UBP1: variants seen among roughly 807,000 people sequenced by gnomAD.
UBP1 encodes the protein upstream-binding protein 1.
Under a neutral mutation model 76.1 loss-of-function variants are expected in UBP1, and 22 were observed. That is an observed-to-expected ratio of 0.29 (90% CI 0.21 to 0.41). The LOEUF (loss-of-function observed/expected upper bound fraction) is 0.41, where lower values mean the gene tolerates loss of function less well. Ranked by LOEUF, UBP1 falls within the 10% of genes least tolerant of loss-of-function variation. The probability of loss-of-function intolerance (pLI) is 1.00; values close to 1 mark genes in which losing one functional copy is unlikely to be tolerated. For missense variants in UBP1, 436 were observed against 668.1 expected (o/e 0.65, Z 3.83); for synonymous variants, 224 against 237.1 (o/e 0.94, Z 0.51).
At position 33,400,931 on chromosome 3, in the gene UBP1, C is replaced by T. The variant is rs773355116; in HGVS notation, c.1086+31G>A. 1.9e-6 allele frequency: 3 copies of T among 1,585,774 alleles called. No homozygotes were observed. The African/African-American group carries it at 4.1e-5, about 22-fold the overall frequency. ...ACTTTAAAATGTAGAACCCTGAAAG[C>T]ATCAGATAGTTTTAGGAGAAAGATA... On this transcript the variant is annotated intron_variant, in intron 10 of 15. Coordinates refer to ENST00000283629, the MANE Select transcript of UBP1 (RefSeq NM_014517.5).
intron 3 of UBP1, among the ~76,000 whole-genome samples, chr3:33,416,265 G>A (rs1363665966): frequency 6.6e-6 from 1 of 152,174 alleles, no homozygotes; most frequent in Non-Finnish European, 1.5e-5. Flanking sequence ...GCTAGGAGGG[G>A]CCAGGGGGCA....
rs1422659805 is a variant in UBP1, at chr3:33,428,560, T to TC, written c.114-2820dup. ...CTTTTTTATTCACTTGGTTATAGTC[T>TC]CCATGATCCACACAGAAAATACTAT... On this transcript the variant is annotated intron_variant, in intron 1 of 15. Coordinates refer to ENST00000283629, the MANE Select transcript of UBP1 (RefSeq NM_014517.5). Among the ~76,000 whole-genome samples, 4 of 152,068 alleles carry TC rather than the reference T, an allele frequency of 2.6e-5. No individual in the cohort carries two copies. In the East Asian group the frequency reaches 7.8e-4, roughly 30 times the overall value.
intron 1 of UBP1, among the ~76,000 whole-genome samples, chr3:33,434,682 CTTTTT>C (rs10709462): frequency 5.7e-5 from 5 of 87,702 alleles, no homozygotes; most frequent in Non-Finnish European, 6.7e-5. Context: ...AATGGTTTTA[CTTTTT>C]TTTTTTTTTT....
intron 3 of UBP1, among the ~76,000 whole-genome samples, chr3:33,416,267 CA>C (rs1424704207): frequency 2.6e-5 from 4 of 152,136 alleles, no homozygotes; most frequent in African/African-American, 7.2e-5. Context: ...TAGGAGGGGC[CA>C]GGGGGCAGGG....
At chr3:33,429,322 T>C (rs1237331706) in intron 1 of UBP1, among the ~76,000 whole-genome samples, 1 of 152,130 alleles carries the variant, frequency 6.6e-6, no homozygotes, top group Non-Finnish European at 1.5e-5. Flanking sequence ...AGACAGAATG[T>C]TAAACGGAAC....
At chr3:33,399,819 A>G (rs1466185864) in intron 11 of UBP1, among the ~76,000 whole-genome samples, 1 of 151,926 alleles carries the variant, frequency 6.6e-6, no homozygotes, top group African/African-American at 2.4e-5. Flanking sequence ...TTATGTGAGA[A>G]ACGGAGTGAA....
chr3:33,399,776 T>C (rs1461051926), intron 11 of UBP1, among the ~76,000 whole-genome samples: 1 of 152,206 alleles, frequency 6.6e-6, no homozygotes. Flanking sequence ...GTTGTGCCAA[T>C]GTCAGTTTCC....
rs570962429 is a variant in UBP1 at position 33,430,907 on chromosome 3, TA to T, written c.114-5167del. On this transcript the variant is annotated intron_variant, in intron 1 of 15. Coordinates refer to ENST00000283629, the MANE Select transcript of UBP1 (RefSeq NM_014517.5). ...CTGCTTGAGACATCTCACTGATTTC[TA>T]TTTTCCTGACTGGACACAGACCACC... Among the ~76,000 whole-genome samples the T allele has an allele frequency of 1.6e-4, 25 of 152,260 alleles. No individual in the cohort carries two copies. The South Asian group carries it at 5.0e-3, about 30-fold the overall frequency.
chr3:33,396,254 T>C lies in UBP1; in HGVS notation c.1298A>G (p.Tyr433Cys). Residue 433 changes from tyrosine to cysteine, a missense_variant, in exon 13 of 16, where the codon TAT becomes TGT. Physicochemically the swap from Tyr to Cys is radical, Grantham distance 194. Transcript: ENST00000283629. ...GCTGCTTGGCTGCTCCCGGCAGACATAGATGGTTAAACGGGGTCTAACCGA... is the reference window on the plus strand; with the variant it reads ...GCTGCTTGGCTGCTCCCGGCAGACACAGATGGTTAAACGGGGTCTAACCGA... Reference protein sequence around the residue: ...SRSVRPRLTIYVCREQPSSTV... With the variant: ...SRSVRPRLTICVCREQPSSTV... 1 of 1,586,588 alleles carries C rather than the reference T, an allele frequency of 6.3e-7. No homozygotes were observed. Among genetic ancestry groups the C allele is most frequent in the Non-Finnish European group, 8.6e-7 (1 of 1,158,050 alleles).
chr3:33,441,090 C>T (rs1027927105), upstream of UBP1, among the ~76,000 whole-genome samples: 2 of 152,242 alleles, frequency 1.3e-5, no homozygotes, highest in African/African-American at 4.8e-5. Context: ...TAAGGGCAGG[C>T]GGTCTCCTGA....
chr3:33,392,888 G>C (rs758252792), intron 14 of UBP1: 1 of 380,016 alleles, frequency 2.6e-6, no homozygotes, highest in Non-Finnish European at 4.7e-6. Context: ...ATGATGACTC[G>C]AACAAAAATT....
At chr3:33,411,480 T>C (rs1383149791) in intron 5 of UBP1, 101 bp downstream of exon 5, 2 of 1,001,522 alleles carry the variant, frequency 2.0e-6, no homozygotes, top group African/African-American at 1.6e-5. Context: ...ACATAGTTTA[T>C]AAATAGACAT....
At chr3:33,428,665 T>G (rs1489939465) in intron 1 of UBP1, among the ~76,000 whole-genome samples, 1 of 152,084 alleles carries the variant, frequency 6.6e-6, no homozygotes, top group African/African-American at 2.4e-5. Flanking sequence ...TCCAATTAAT[T>G]TTTTACTTAA....
At chr3:33,424,415 G>A (rs760612164) in intron 2 of UBP1, among the ~76,000 whole-genome samples, 12 of 152,086 alleles carry the variant, frequency 7.9e-5, no homozygotes, top group Non-Finnish European at 1.3e-4. Context: ...CCAAAACTTC[G>A]AGTAAAAATT....
Position 33,392,942 on chromosome 3 carries a change from G to A in UBP1, c.1534-328C>T, listed in dbSNP as rs891661703. 5 of 322,154 alleles carry A rather than the reference G, an allele frequency of 1.6e-5. No individual in the cohort carries two copies. In the East Asian group the frequency reaches 2.6e-4, roughly 17 times the overall value. 20.0% of individuals were successfully genotyped at this position (322,154 alleles called of 1,614,324 possible). On this transcript the variant is annotated intron_variant, in intron 14 of 15. Transcript: ENST00000283629. ...TTATTACTTGCCACCAATCACTAGG[G>A]GAAAAATTATATATCTTACATGTTT...
At chr3:33,425,998 T>TAA (rs1161319240) in intron 1 of UBP1, among the ~76,000 whole-genome samples, 15 of 29,016 alleles carry the variant, frequency 5.2e-4, no homozygotes, top group African/African-American at 2.1e-3. Context: ...CAGCTCTGAA[T>TAA]ATATATATAT....
chr3:33,409,224 T>C lies in UBP1; in HGVS notation c.819+12A>G. 1.2e-6 allele frequency: 2 copies of C among 1,612,186 alleles called. No individual in the cohort carries two copies. The highest frequency in any genetic ancestry group is 2.2e-5 in the South Asian group (2 of 90,918). On this transcript the variant is annotated intron_variant, in intron 7 of 15. Transcript: ENST00000283629. ...TGCTTCTCTTCCAAAACCAAATGCT[T>C]TACTACATTACCTCTGTGAGGATTG...
chr3:33,411,806 T>C (rs1309652819), intron 4 of UBP1, 119 bp from the exon 5 acceptor site: 6 of 756,718 alleles, frequency 7.9e-6, no homozygotes, highest in East Asian at 2.7e-5. Context: ...TGTCTTTCAA[T>C]GGTCTCCATG....
chr3:33,430,505 A>G (rs1331693993), intron 1 of UBP1, among the ~76,000 whole-genome samples: 1 of 152,234 alleles, frequency 6.6e-6, no homozygotes, highest in African/African-American at 2.4e-5. Context: ...TAAAAGGACA[A>G]ACAAGACTCT....
Sources: allele counts gnomAD v4.1 joint callset (sites outside exome capture counted in the v4.1 genomes callset), GRCh38; gene constraint gnomAD v4.1.1; transcripts MANE v1.5; gene names NCBI Gene and HGNC (gene_info 2026-07-23, HGNC 2026-07-21).